Variants in ESRP1 observed in about 807,000 individuals in gnomAD.
The protein encoded by ESRP1 is RNA-binding motif protein 35A.
In ESRP1, 33 loss-of-function variants were observed where a neutral mutation model predicts 81.7. The ratio of observed to expected loss-of-function variants is 0.40; its 90% confidence interval spans 0.31 to 0.54. The LOEUF is 0.54. ESRP1 is among the 20% of genes least tolerant of loss of function. ESRP1 has a pLI of 0.41. For synonymous variants in ESRP1, 320 were observed against 303.3 expected (o/e 1.06, Z -0.57); for missense variants, 672 against 833.1 (o/e 0.81, Z 2.38).
chr8:94,641,651 CT>C, intron 1 of ESRP1: 2 of 789,932 alleles, frequency 2.5e-6, no homozygotes, highest in Non-Finnish European at 3.9e-6. Context: ...TCCTCCGCAA[CT>C]TAGCTCAGGT....
chr8:94,664,945 T>C lies in ESRP1; in HGVS notation c.774T>C (p.Cys258=), dbSNP rs757268720. ...CTCAAAGGGGAGGTGCAGCACTTTG[T>C]CTGAATGCTCAGGGTCGAAGGAACG... ...LNIAKGGAAL[C]LNAQGRRNGE... The change falls in exon 8 of 16, where the codon TGT becomes TGC. Residue 258 remains cysteine, a synonymous_variant. Transcript: ENST00000433389. 3.1e-6 allele frequency: 5 copies of C among 1,613,712 alleles called. No individual in the cohort carries two copies. Among genetic ancestry groups the C allele is most frequent in the Non-Finnish European group, 4.2e-6 (5 of 1,179,850 alleles).
intron 13 of ESRP1, among the ~76,000 whole-genome samples, chr8:94,686,139 G>C (rs1200972282): frequency 6.6e-6 from 1 of 152,162 alleles, no homozygotes; most frequent in East Asian, 1.9e-4. Context: ...ATGTTGGCCA[G>C]AGTGGTCTCG....
intron 13 of ESRP1, among the ~76,000 whole-genome samples, chr8:94,680,297 T>G (rs1437290029): frequency 6.6e-6 from 1 of 152,224 alleles, no homozygotes; most frequent in Non-Finnish European, 1.5e-5. Flanking sequence ...TCCCCACTTT[T>G]AGTGAAATTA....
chr8:94,682,961 T>TTTG (rs1261616183), intron 13 of ESRP1, among the ~76,000 whole-genome samples: 5 of 104,192 alleles, frequency 4.8e-5, no homozygotes, highest in Non-Finnish European at 9.9e-5. Context: ...TTTTTTTTTT[T>TTTG]GAGACGGAGT....
intron 13 of ESRP1, chr8:94,688,554 G>T: frequency 9.5e-6 from 2 of 210,138 alleles, no homozygotes; most frequent in South Asian, 1.6e-4. Context: ...TGGCATCACA[G>T]ACCATGAAGA....
chr8:94,658,162 C>T lies in ESRP1; in HGVS notation c.491-4110C>T, dbSNP rs184633352. On this transcript the variant is annotated intron_variant, in intron 4 of 15. Coordinates refer to ENST00000433389, the MANE Select transcript of ESRP1 (RefSeq NM_017697.4). ...CCTGACCTCCAAGTGATCCACCCAC[C>T]TCGGCCTCCCAAAGTGCTGGGATTA... 5.4e-4 allele frequency among the ~76,000 whole-genome samples: 83 copies of T among 152,304 alleles called. No individual in the cohort carries two copies. In the South Asian group the frequency reaches 7.3e-3, roughly 13 times the overall value.
At chr8:94,700,313 G>T (rs1202715257) in intron 15 of ESRP1, among the ~76,000 whole-genome samples, 1 of 152,136 alleles carries the variant, frequency 6.6e-6, no homozygotes, top group African/African-American at 2.4e-5. Context: ...TGAATTATCT[G>T]GGTGGTCCCT....
At chr8:94,696,413 A>G (rs1440325622) in intron 14 of ESRP1, among the ~76,000 whole-genome samples, 1 of 152,216 alleles carries the variant, frequency 6.6e-6, no homozygotes, top group Non-Finnish European at 1.5e-5. Flanking sequence ...AATTAGACTG[A>G]TATTACAAAT....
intron 3 of ESRP1, among the ~76,000 whole-genome samples, chr8:94,645,931 G>A (rs1331417088): frequency 6.6e-6 from 1 of 152,124 alleles, no homozygotes; most frequent in Non-Finnish European, 1.5e-5. Context: ...AATGCATACT[G>A]GAGCACAAAC....
At chr8:94,645,861 C>T (rs911751593) in intron 3 of ESRP1, among the ~76,000 whole-genome samples, 1 of 152,016 alleles carries the variant, frequency 6.6e-6, no homozygotes, top group Non-Finnish European at 1.5e-5. Flanking sequence ...GTATTAACAG[C>T]CAGAAAATAT....
chr8:94,668,808 T>C (rs1249764882), intron 10 of ESRP1, among the ~76,000 whole-genome samples: 1 of 151,310 alleles, frequency 6.6e-6, no homozygotes, highest in Non-Finnish European at 1.5e-5. Flanking sequence ...TGTGTGTGTG[T>C]TTGAGATGGG....
chr8:94,697,701 G>A (rs906977630), intron 15 of ESRP1, among the ~76,000 whole-genome samples: 5 of 152,180 alleles, frequency 3.3e-5, no homozygotes, highest in African/African-American at 1.2e-4. Context: ...TATCTTTGGT[G>A]TGTACCCAGG....
intron 14 of ESRP1, 54 bp from the exon 15 acceptor site, chr8:94,696,798 C>G (rs970470947): frequency 1.5e-6 from 2 of 1,327,906 alleles, no homozygotes; most frequent in East Asian, 2.5e-5. Context: ...AAATATTATC[C>G]ATAGTGACAG....
chr8:94,705,132 T>C (rs1810012535), intron 15 of ESRP1, among the ~76,000 whole-genome samples: 1 of 150,400 alleles, frequency 6.6e-6, no homozygotes, highest in African/African-American at 2.4e-5. Context: ...GCCCATATGT[T>C]TGCTGTTATG....
At chr8:94,659,781 T>C (rs780231661) in intron 4 of ESRP1, among the ~76,000 whole-genome samples, 5 of 152,200 alleles carry the variant, frequency 3.3e-5, no homozygotes, top group Non-Finnish European at 5.9e-5. Context: ...GGGTACCACT[T>C]GTCATTTATA....
intron 3 of ESRP1, among the ~76,000 whole-genome samples, chr8:94,644,159 C>CT (rs1197667302): frequency 6.6e-6 from 1 of 152,170 alleles, no homozygotes; most frequent in Non-Finnish European, 1.5e-5. Flanking sequence ...GGGATAAATA[C>CT]TGAGGGGCTG....
At chr8:94,704,037 C>T (rs966108716) in intron 15 of ESRP1, among the ~76,000 whole-genome samples, 8 of 152,114 alleles carry the variant, frequency 5.3e-5, no homozygotes, top group Admixed American at 1.3e-4. Flanking sequence ...ACTTTGGAAA[C>T]CACATTTAAA....
At chr8:94,678,429 C>A in intron 13 of ESRP1, 58 bp downstream of exon 13, 2 of 1,569,432 alleles carry the variant, frequency 1.3e-6, no homozygotes, top group South Asian at 2.3e-5. Context: ...CTTTGATAGC[C>A]AGTGCAAGAG....
At chr8:94,666,973 C>G (rs1819046367) in intron 9 of ESRP1, among the ~76,000 whole-genome samples, 1 of 152,070 alleles carries the variant, frequency 6.6e-6, no homozygotes, top group Admixed American at 6.6e-5. Context: ...AAGGCCAAGG[C>G]AGGCGGATCA....
Sources: gnomAD v4.1 joint callset for allele counts (sites outside exome capture counted in the v4.1 genomes callset) on GRCh38, gnomAD v4.1.1 for gene constraint, MANE v1.5 for transcripts, NCBI Gene and HGNC (gene_info 2026-07-23, HGNC 2026-07-21) for gene names.